DCBLD2: variants seen among roughly 807,000 people sequenced by gnomAD.
The protein encoded by DCBLD2 is discoidin, CUB and LCCL domain containing 2, also known as discoidin, CUB and LCCL domain-containing protein 2.
In DCBLD2, 54 loss-of-function variants were observed where a neutral mutation model predicts 86.8. The ratio of observed to expected loss-of-function variants is 0.62; its 90% CI spans 0.50 to 0.78. The LOEUF (loss-of-function observed/expected upper bound fraction) is 0.78. Ranked by LOEUF, DCBLD2 falls within the 30% of genes least tolerant of loss-of-function variation. The pLI, the probability that DCBLD2 is intolerant of heterozygous loss-of-function variation, is 0.00. For synonymous variants in DCBLD2, 354 were observed against 341.3 expected, an observed-to-expected ratio of 1.04 and a Z score of -0.41; for missense variants, 908 against 954.2, an observed-to-expected ratio of 0.95 and a Z score of 0.64.
At chr3:98,893,690 CAG>C (rs1396166196) in intron 1 of DCBLD2, among the ~76,000 whole-genome samples, 1 of 152,110 alleles carries the variant, frequency 6.6e-6, no homozygotes, top group Non-Finnish European at 1.5e-5. Flanking sequence ...ATGTAAAAGC[CAG>C]TGGCATTTTG....
intron 1 of DCBLD2, among the ~76,000 whole-genome samples, chr3:98,894,678 C>T (rs1943721254): frequency 6.6e-6 from 1 of 152,072 alleles, no homozygotes; most frequent in Admixed American, 6.6e-5. Flanking sequence ...AGACATGGCT[C>T]TGTTCCCGGC....
intron 6 of DCBLD2, chr3:98,820,751 C>T (rs1942104692): frequency 7.4e-6 from 1 of 134,514 alleles, no homozygotes; most frequent in African/African-American, 2.7e-5. Context: ...AAGTTGGGTA[C>T]TAATAGATTT....
intron 6 of DCBLD2, 119 bp downstream of exon 6, chr3:98,822,109 G>T: frequency 1.6e-6 from 2 of 1,245,406 alleles, no homozygotes; most frequent in Non-Finnish European, 2.4e-6. Context: ...CTGCCTAAAT[G>T]TTCTTTCATG....
intron 2 of DCBLD2, among the ~76,000 whole-genome samples, chr3:98,881,195 A>G: frequency 6.6e-6 from 1 of 151,374 alleles, no homozygotes; most frequent in African/African-American, 2.4e-5. Flanking sequence ...CGGAGGTTGC[A>G]GTGAGCCAAA....
intron 1 of DCBLD2, among the ~76,000 whole-genome samples, chr3:98,892,741 TC>T (rs1434057704): frequency 1.3e-5 from 2 of 151,878 alleles, no homozygotes; most frequent in Admixed American, 1.3e-4. Context: ...CTCTATAACC[TC>T]AAAAGTCCTA....
chr3:98,804,447 A>G (rs995856909), intron 13 of DCBLD2, among the ~76,000 whole-genome samples: 5 of 151,456 alleles, frequency 3.3e-5, no homozygotes, highest in Non-Finnish European at 4.4e-5. Context: ...TTTCTTCTTT[A>G]TTAGTCTTGC....
At chr3:98,809,804 T>C (rs780861369) in intron 12 of DCBLD2, among the ~76,000 whole-genome samples, 1 of 152,126 alleles carries the variant, frequency 6.6e-6, no homozygotes, top group African/African-American at 2.4e-5. Context: ...ATGAAATCAC[T>C]CTCAGCCTGG....
At chr3:98,874,712 G>A (rs6792301) in intron 2 of DCBLD2, among the ~76,000 whole-genome samples, 6 of 152,116 alleles carry the variant, frequency 3.9e-5, no homozygotes, top group African/African-American at 7.2e-5. Context: ...AAGGTGGGGC[G>A]CTGATCCAAC....
chr3:98,825,415 C>T (rs2107452619), intron 3 of DCBLD2, 49 bp from the exon 4 acceptor site: 1 of 1,331,736 alleles, frequency 7.5e-7, no homozygotes. Flanking sequence ...ACAGGATTAC[C>T]TTGCTGAAAC....
At chr3:98,867,028 A>G (rs1382874213) in intron 2 of DCBLD2, among the ~76,000 whole-genome samples, 1 of 152,058 alleles carries the variant, frequency 6.6e-6, no homozygotes, top group African/African-American at 2.4e-5. Context: ...GATGTGTGGT[A>G]TTATTTCTGA....
intron 3 of DCBLD2, among the ~76,000 whole-genome samples, chr3:98,836,663 A>T (rs1312513362): frequency 8.3e-6 from 1 of 119,826 alleles, no homozygotes; most frequent in South Asian, 2.6e-4. Flanking sequence ...ACTTCCCAGT[A>T]GGGGCGGCCG....
chr3:98,836,607 G>A (rs1239943599), intron 3 of DCBLD2, among the ~76,000 whole-genome samples: 3 of 146,260 alleles, frequency 2.1e-5, no homozygotes, highest in Non-Finnish European at 4.6e-5. Flanking sequence ...TGAGCTGTTG[G>A]GCACACCTCC....
intron 1 of DCBLD2, among the ~76,000 whole-genome samples, chr3:98,892,817 G>A (rs960727754): frequency 1.3e-5 from 2 of 152,072 alleles, no homozygotes; most frequent in African/African-American, 4.8e-5. Context: ...CTATAAAGCT[G>A]GCTTTTAGGA....
chr3:98,858,031 T>A (rs1325598403), intron 2 of DCBLD2, among the ~76,000 whole-genome samples: 1 of 152,210 alleles, frequency 6.6e-6, no homozygotes, highest in East Asian at 1.9e-4. Context: ...GGGGCGGTGC[T>A]CGTCGGGGAG....
chr3:98,822,504 A>G, intron 5 of DCBLD2, 143 bp from the exon 6 acceptor site: 2 of 1,290,172 alleles, frequency 1.6e-6, no homozygotes, highest in Non-Finnish European at 2.1e-6. Flanking sequence ...TGGTACTGTA[A>G]CACAACAGTT....
chr3:98,857,999 G>A (rs1264647575), intron 2 of DCBLD2, among the ~76,000 whole-genome samples: 1 of 152,258 alleles, frequency 6.6e-6, no homozygotes, highest in Non-Finnish European at 1.5e-5. Flanking sequence ...GGTGGTCAAT[G>A]GGACTGGGTG....
At chr3:98,888,983 T>G (rs752718194) in intron 1 of DCBLD2, among the ~76,000 whole-genome samples, 31 of 151,992 alleles carry the variant, frequency 2.0e-4, no homozygotes, top group Non-Finnish European at 3.5e-4. Context: ...ACTGCATACT[T>G]TCTGTGAACT....
At chr3:98,830,590 G>A (rs1356834574) in intron 3 of DCBLD2, among the ~76,000 whole-genome samples, 3 of 152,092 alleles carry the variant, frequency 2.0e-5, no homozygotes, top group African/African-American at 7.2e-5. Context: ...TGTTCTATTG[G>A]TCTACGCACC....
At chr3:98,807,446 C>T (rs1009866000) in intron 13 of DCBLD2, among the ~76,000 whole-genome samples, 3 of 152,136 alleles carry the variant, frequency 2.0e-5, no homozygotes, top group Admixed American at 6.5e-5. Context: ...ATGAGAGGAT[C>T]GGGCAAGAAG....
Sources: gnomAD v4.1 joint callset for allele counts (sites outside exome capture counted in the v4.1 genomes callset) on GRCh38, gnomAD v4.1.1 for gene constraint, MANE v1.5 for transcripts, NCBI Gene and HGNC (gene_info 2026-07-23, HGNC 2026-07-21) for gene names.